CNTNAP5: variants seen among roughly 807,000 people sequenced by gnomAD.
CNTNAP5 encodes the protein contactin associated protein family member 5, also known as contactin-associated protein-like 5.
In CNTNAP5, 72 loss-of-function variants were observed where a neutral mutation model predicts 150.2. The observed-to-expected ratio is 0.48, with a 90% CI of 0.40 to 0.58. The LOEUF (loss-of-function observed/expected upper bound fraction) is 0.58. Ranked by LOEUF, CNTNAP5 falls within the 20% of genes least tolerant of loss-of-function variation. The pLI is 0.00. For synonymous variants in CNTNAP5, 672 were observed against 619.8 expected, an observed-to-expected ratio of 1.08 and a Z score of -1.25; for missense variants, 1,636 against 1,626.2, an observed-to-expected ratio of 1.01 and a Z score of -0.10.
intron 21 of CNTNAP5, among the ~76,000 whole-genome samples, chr2:124,892,663 G>A (rs544068666): frequency 6.6e-6 from 1 of 152,138 alleles, no homozygotes; most frequent in South Asian, 2.1e-4. Flanking sequence ...CTGTAATTGT[G>A]GCATGCTTGC....
intron 3 of CNTNAP5, among the ~76,000 whole-genome samples, chr2:124,294,208 A>G (rs1005829083): frequency 1.4e-5 from 1 of 71,738 alleles, no homozygotes; most frequent in East Asian, 5.0e-4. Context: ...AGAAATATTT[A>G]GTGATACCTT....
intron 13 of CNTNAP5, among the ~76,000 whole-genome samples, chr2:124,692,363 CTGAGGGGAGT>C (rs1679316043): frequency 6.6e-6 from 1 of 152,144 alleles, no homozygotes; most frequent in Non-Finnish European, 1.5e-5. Context: ...TTTTGCACTA[CTGAGGGGAGT>C]TGAGTAGTTG....
At chr2:124,223,820 C>T (rs1020300557) in intron 2 of CNTNAP5, among the ~76,000 whole-genome samples, 5 of 151,170 alleles carry the variant, frequency 3.3e-5, no homozygotes, top group Non-Finnish European at 5.9e-5. Context: ...ACTTTTCTTC[C>T]GTTTCCCAAC....
chr2:124,561,249 T>TG (rs1021583734), intron 10 of CNTNAP5, among the ~76,000 whole-genome samples: 2 of 152,026 alleles, frequency 1.3e-5, no homozygotes, highest in Non-Finnish European at 2.9e-5. Context: ...AGGGAGATGC[T>TG]GGGATGTGAA....
chr2:124,090,784 T>C (rs1463341140), intron 1 of CNTNAP5, among the ~76,000 whole-genome samples: 1 of 152,208 alleles, frequency 6.6e-6, no homozygotes, highest in Non-Finnish European at 1.5e-5. Flanking sequence ...AAACCATTAT[T>C]ATCAGCCATA....
intron 3 of CNTNAP5, among the ~76,000 whole-genome samples, chr2:124,322,155 TAATAATAATAA>T (rs1163174466): frequency 2.1e-5 from 3 of 141,284 alleles, no homozygotes; most frequent in African/African-American, 5.5e-5. Flanking sequence ...ATCTCCAAAA[TAATAATAATAA>T]AATAAAATAA....
Position 124,914,496 on chromosome 2 carries a change from C to T in CNTNAP5, c.*208C>T. On this transcript the variant is annotated 3_prime_UTR_variant, in exon 24 of 24. Coordinates refer to ENST00000682447, the MANE Select transcript of CNTNAP5 (RefSeq NM_001367498.1). ...GGCCACTGCCTTCCTCTCTGATGAA[C>T]CTATCGGGTGAAAACGACCACTCAA... is the stretch of plus-strand genomic sequence containing the variant. 1.8e-6 allele frequency: 1 copy of T among 549,668 alleles called. No individual in the cohort carries two copies. The highest frequency in any genetic ancestry group is 3.2e-5 in the Admixed American group (1 of 31,042). 34.0% of individuals were successfully genotyped at this position (549,668 alleles called of 1,614,324 possible).
intron 3 of CNTNAP5, among the ~76,000 whole-genome samples, chr2:124,339,097 C>G (rs1689545108): frequency 6.6e-6 from 1 of 152,116 alleles, no homozygotes; most frequent in African/African-American, 2.4e-5. Context: ...CAGTTTCATT[C>G]AATCACACTG....
chr2:124,247,737 A>G (rs1687066512), intron 3 of CNTNAP5, among the ~76,000 whole-genome samples: 1 of 152,148 alleles, frequency 6.6e-6, no homozygotes, highest in Admixed American at 6.5e-5. Flanking sequence ...ATAGAAAATG[A>G]ATTTGAAGAG....
chr2:124,615,118 G>C (rs1677468070), intron 12 of CNTNAP5, among the ~76,000 whole-genome samples: 2 of 152,196 alleles, frequency 1.3e-5, no homozygotes, highest in South Asian at 4.1e-4. Context: ...AAAGATGTTA[G>C]TGGCTGCTAA....
chr2:124,895,102 G>T (rs2104752026), intron 21 of CNTNAP5, among the ~76,000 whole-genome samples: 1 of 151,502 alleles, frequency 6.6e-6, no homozygotes, highest in East Asian at 1.9e-4. Flanking sequence ...ATTCTCAAAT[G>T]GTAGAAGGTT....
intron 8 of CNTNAP5, among the ~76,000 whole-genome samples, chr2:124,518,994 C>CAAAAAA (rs35578704): frequency 8.3e-5 from 4 of 48,082 alleles, no homozygotes; most frequent in African/African-American, 1.7e-4. Context: ...GCCTGGGCCG[C>CAAAAAA]AAAAAAAAAA....
At chr2:124,169,262 G>A (rs868855769) in intron 1 of CNTNAP5, among the ~76,000 whole-genome samples, 1 of 152,044 alleles carries the variant, frequency 6.6e-6, no homozygotes, top group East Asian at 1.9e-4. Flanking sequence ...ATTGGCCTGG[G>A]TTAGGGACTG....
intron 13 of CNTNAP5, among the ~76,000 whole-genome samples, chr2:124,738,618 C>A (rs1053517892): frequency 2.0e-5 from 3 of 151,970 alleles, no homozygotes; most frequent in Non-Finnish European, 4.4e-5. Context: ...GTAGTCCCAG[C>A]TACTCTAGAG....
intron 14 of CNTNAP5, among the ~76,000 whole-genome samples, chr2:124,753,441 T>C (rs530336593): frequency 6.6e-6 from 1 of 152,312 alleles, no homozygotes; most frequent in African/African-American, 2.4e-5. Flanking sequence ...ATGATAGAAT[T>C]AGTTGAAATT....
intron 3 of CNTNAP5, among the ~76,000 whole-genome samples, chr2:124,355,446 C>T (rs1045555302): frequency 6.6e-6 from 1 of 152,100 alleles, no homozygotes; most frequent in Non-Finnish European, 1.5e-5. Flanking sequence ...TGGAGCAGAG[C>T]TGGTCAATGT....
At chr2:124,678,429 T>C (rs763507328) in intron 13 of CNTNAP5, among the ~76,000 whole-genome samples, 54 of 151,870 alleles carry the variant, frequency 3.6e-4, no homozygotes, top group Non-Finnish European at 5.4e-4. Context: ...AACTACATGT[T>C]TCAGGTGGTC....
intron 16 of CNTNAP5, among the ~76,000 whole-genome samples, chr2:124,771,054 G>A (rs904895399): frequency 1.3e-5 from 2 of 152,020 alleles, no homozygotes; most frequent in Non-Finnish European, 1.5e-5. Flanking sequence ...AAAAGAATTC[G>A]AGCTCTCAGA....
intron 4 of CNTNAP5, among the ~76,000 whole-genome samples, chr2:124,425,836 C>T (rs1476955939): frequency 6.6e-6 from 1 of 152,142 alleles, no homozygotes; most frequent in African/African-American, 2.4e-5. Context: ...TATCTCAGAG[C>T]TCAGTACAGT....
Sources: allele counts gnomAD v4.1 joint callset (sites outside exome capture counted in the v4.1 genomes callset), GRCh38; gene constraint gnomAD v4.1.1; transcripts MANE v1.5; gene names NCBI Gene and HGNC (gene_info 2026-07-23, HGNC 2026-07-21).